Variants in PSG3 observed in about 807,000 individuals in gnomAD.
The protein encoded by PSG3 is pregnancy-specific beta-1-glycoprotein 3.
PSG3 carries 61 observed loss-of-function variants against 47.5 expected under a neutral mutation model. That is an observed-to-expected ratio of 1.28 (90% CI 1.05 to 1.59). PSG3 has a LOEUF of 1.59. Among genes scored for constraint, PSG3 ranks in the 40% most tolerant of loss-of-function variants. The probability of loss-of-function intolerance (pLI) is 0.00; values close to 1 mark genes in which losing one functional copy is unlikely to be tolerated. For missense variants in PSG3, 756 were observed against 524.0 expected, an observed-to-expected ratio of 1.44 and a Z score of -4.32; for synonymous variants, 263 against 198.4, an observed-to-expected ratio of 1.33 and a Z score of -2.74.
At chr19:42,735,007 C>G (rs564953693) in intron 2 of PSG3, among the ~76,000 whole-genome samples, 23 of 152,274 alleles carry the variant, frequency 1.5e-4, no homozygotes, top group South Asian at 4.1e-4. Flanking sequence ...ACGCAGAACT[C>G]CAACTTATGA....
At chr19:42,728,820 T>C (rs991362503) in intron 5 of PSG3, among the ~76,000 whole-genome samples, 5 of 151,894 alleles carry the variant, frequency 3.3e-5, no homozygotes, top group Admixed American at 2.6e-4. Flanking sequence ...AAGAAGCAAC[T>C]TGATCTTGAG....
chr19:42,723,906 CT>C (rs1358222096), intron 6 of PSG3, 35 bp downstream of exon 6: 1 of 1,488,938 alleles, frequency 6.7e-7, no homozygotes, highest in Non-Finnish European at 9.4e-7. Context: ...GCAGTTAGCC[CT>C]GCAGGAACCA....
chr19:42,730,447 A>G (rs4030923), intron 3 of PSG3, among the ~76,000 whole-genome samples: 1 of 152,188 alleles, frequency 6.6e-6, no homozygotes, highest in African/African-American at 2.4e-5. Context: ...CTTTGCCCCC[A>G]TAGATGTGAT....
chr19:42,736,654 GT>G (rs1465445355), intron 2 of PSG3, among the ~76,000 whole-genome samples: 182 of 129,104 alleles, frequency 1.4e-3, no homozygotes, highest in African/African-American at 4.6e-3. Context: ...GTGTGTGTGT[GT>G]GTGTGCAGGA....
chr19:42,729,659 T>A, intron 4 of PSG3, 119 bp downstream of exon 4: 2 of 1,551,366 alleles, frequency 1.3e-6, no homozygotes, highest in Non-Finnish European at 1.7e-6. Flanking sequence ...TATGGCCAGC[T>A]CGGATGTCCA....
chr19:42,740,193 C>T (rs945263187), intron 1 of PSG3, 128 bp downstream of exon 1: 1 of 1,573,160 alleles, frequency 6.4e-7, no homozygotes, highest in African/African-American at 1.4e-5. Context: ...ATCTCGTGAT[C>T]CACCCTCCTC....
chr19:42,739,108 A>G lies in PSG3; in HGVS notation c.65-19T>C, dbSNP rs775793934. The G allele has an allele frequency of 2.5e-6, 4 of 1,586,370 alleles. No homozygotes were observed. Among genetic ancestry groups the G allele is most frequent in the Non-Finnish European group, 3.4e-6 (4 of 1,161,894 alleles). On this transcript the variant is annotated intron_variant, in intron 1 of 6. Transcript: ENST00000327495. ...AGTAATGCTAGGAGGTGGAGAGAGC[A>G]TCAGTCAATATTGAGACCTATGCAT...
chr19:42,726,542 A>T (rs1969380895), intron 5 of PSG3, among the ~76,000 whole-genome samples: 1 of 152,242 alleles, frequency 6.6e-6, no homozygotes, highest in Non-Finnish European at 1.5e-5. Context: ...ATTTATATTA[A>T]CATCAAAAAG....
chr19:42,727,922 G>A (rs1969402681), intron 5 of PSG3, among the ~76,000 whole-genome samples: 1 of 152,208 alleles, frequency 6.6e-6, no homozygotes. Context: ...TCTATACATT[G>A]AAATGTTGTT....
intron 5 of PSG3, among the ~76,000 whole-genome samples, chr19:42,727,250 A>G (rs1969392116): frequency 6.6e-6 from 1 of 152,238 alleles, no homozygotes; most frequent in South Asian, 2.1e-4. Flanking sequence ...CAACAAATAA[A>G]ATGGATAAAT....
chr19:42,732,946 T>G lies in PSG3; in HGVS notation c.547A>C (p.Asn183His), dbSNP rs377121936. The G allele has an allele frequency of 6.2e-7, 1 of 1,614,144 alleles. No individual in the cohort carries two copies. Among genetic ancestry groups the G allele is most frequent in the Non-Finnish European group, 8.5e-7 (1 of 1,180,022 alleles). The change falls in exon 3 of 7, where the codon AAT becomes CAT. Residue 183 changes from asparagine to histidine, a missense_variant. Asn to His is a moderately conservative substitution (Grantham distance 68). Transcript: ENST00000327495. Reference sequence around the variant, plus strand: ...TGAGTCATAGGGAGGCTCTGACCATTCATCCACCACAGGTAGCTTGCGTCC... The same window carrying G: ...TGAGTCATAGGGAGGCTCTGACCATGCATCCACCACAGGTAGCTTGCGTCC... ...TPDASYLWWM[N>H]GQSLPMTHSL...
At chr19:42,736,620 G>C (rs1482281833) in intron 2 of PSG3, among the ~76,000 whole-genome samples, 1 of 30,720 alleles carries the variant, frequency 3.3e-5, no homozygotes, top group African/African-American at 5.3e-5. Flanking sequence ...ATTTGTGTGT[G>C]TGTGTGTGTG....
At chr19:42,731,505 C>T (rs1451862866) in intron 3 of PSG3, among the ~76,000 whole-genome samples, 2 of 152,018 alleles carry the variant, frequency 1.3e-5, no homozygotes, top group South Asian at 2.1e-4. Context: ...TTTTTGAAGG[C>T]CTTGGGATGT....
chr19:42,723,108 G>C (rs1969323455), intron 6 of PSG3, among the ~76,000 whole-genome samples: 1 of 152,180 alleles, frequency 6.6e-6, no homozygotes, highest in Non-Finnish European at 1.5e-5. Context: ...TCCTGGCGTA[G>C]GGACCTTGCC....
At chr19:42,738,175 T>TCTGAGGG (rs1969597980) in intron 2 of PSG3, among the ~76,000 whole-genome samples, 1 of 152,226 alleles carries the variant, frequency 6.6e-6, no homozygotes, top group Admixed American at 6.5e-5. Context: ...CAGATGAGGC[T>TCTGAGGG]CTGAGGGCTG....
At chr19:42,735,049 G>A (rs1969540180) in intron 2 of PSG3, among the ~76,000 whole-genome samples, 1 of 152,194 alleles carries the variant, frequency 6.6e-6, no homozygotes, top group Non-Finnish European at 1.5e-5. Context: ...ACAGTTGTAT[G>A]TGGCACAGGC....
intron 3 of PSG3, among the ~76,000 whole-genome samples, chr19:42,730,328 A>G (rs1969452433): frequency 6.6e-6 from 1 of 152,186 alleles, no homozygotes; most frequent in African/African-American, 2.4e-5. Flanking sequence ...TGGGAGTCAC[A>G]GCCCCTGGTA....
rs368781919 is a variant in PSG3, at chr19:42,729,867, A to C, written c.899T>G (p.Val300Gly). The C allele has an allele frequency of 2.8e-5, 45 of 1,612,812 alleles. No individual in the cohort carries two copies. The highest frequency in any genetic ancestry group is 3.7e-5 in the Non-Finnish European group (44 of 1,179,870). Reference protein sequence around the residue: ...IENRILILPSVTRNETGPYQC... With the variant: ...IENRILILPSGTRNETGPYQC... ...ATAGGGTCCTGTTTCATTTCTCGTG[A>C]CACTGGGTAGAATGAGGATCCTGTT... is the stretch of plus-strand genomic sequence containing the variant. The change falls in exon 4 of 7, where the codon GTC (valine) becomes GGC (glycine). Residue 300 changes from valine to glycine, a missense_variant. By Grantham distance (109) the Val-to-Gly change is moderately radical. Coordinates refer to ENST00000327495, the MANE Select transcript of PSG3 (RefSeq NM_021016.4).
At chr19:42,724,186 T>G (rs1461556016) in intron 5 of PSG3, among the ~76,000 whole-genome samples, 161 bp from the exon 6 acceptor site, 5 of 151,118 alleles carry the variant, frequency 3.3e-5, no homozygotes, top group South Asian at 2.1e-4. Context: ...ATTCTTGCAG[T>G]TTTTTTTTCC....
Sources: allele counts gnomAD v4.1 joint callset (sites outside exome capture counted in the v4.1 genomes callset), GRCh38; gene constraint gnomAD v4.1.1; transcripts MANE v1.5; gene names NCBI Gene and HGNC (gene_info 2026-07-23, HGNC 2026-07-21).